The following AMBRA1 variants were observed in gnomAD, a reference collection of about 807,000 sequenced individuals.
AMBRA1 encodes the protein autophagy and beclin 1 regulator 1, also known as activating molecule in BECN1-regulated autophagy protein 1.
In AMBRA1, 47 loss-of-function variants were observed where a neutral mutation model predicts 125.4. That is an observed-to-expected ratio of 0.37 (90% confidence interval 0.30 to 0.48). AMBRA1 has a LOEUF of 0.48. Ranked by LOEUF, AMBRA1 falls within the 20% of genes least tolerant of loss-of-function variation. AMBRA1 has a pLI of 0.99. For synonymous variants in AMBRA1, 626 were observed against 655.5 expected (o/e 0.95, Z 0.69); for missense variants, 1,331 against 1,693.4 (o/e 0.79, Z 3.76).
Position 46,512,825 on chromosome 11 carries a change from TA to T in AMBRA1, c.2073-13del. ...ATTCCAGCAGCCTCCTAGCAGAGATTAAAAAAATGGCAATAATCCCTGTCAA... is the reference window on the plus strand; with the variant it reads ...ATTCCAGCAGCCTCCTAGCAGAGATTAAAAAATGGCAATAATCCCTGTCAA... On this transcript the variant is annotated splice_polypyrimidine_tract_variant and intron_variant, in intron 7 of 17. Transcript: ENST00000683756. 2.5e-6 allele frequency: 4 copies of T among 1,602,420 alleles called. No homozygotes were observed. The highest frequency in any genetic ancestry group is 2.2e-5 in the South Asian group (2 of 89,094).
rs992856576 is a variant in AMBRA1 at position 46,429,225 on chromosome 11, C to T, written c.2976+4249G>A. 312 of 1,247,228 alleles carry T rather than the reference C, an allele frequency of 2.5e-4. 1 individual carries two copies. The highest frequency in any genetic ancestry group is 3.2e-4 in the Non-Finnish European group (286 of 884,114). 77.3% of individuals were successfully genotyped at this position (1,247,228 alleles called of 1,614,324 possible). On this transcript the variant is annotated intron_variant, in intron 14 of 17. Coordinates refer to ENST00000683756, the MANE Select transcript of AMBRA1 (RefSeq NM_001387011.1). Reference sequence around the variant, plus strand: ...ACAATCTTCGCCTACCAGCGGCCCCCTACCCCATAAAATAAGCCTCCAGCC... The same window carrying T: ...ACAATCTTCGCCTACCAGCGGCCCCTTACCCCATAAAATAAGCCTCCAGCC...
At chr11:46,535,812 G>A (rs957659364) in intron 7 of AMBRA1, among the ~76,000 whole-genome samples, 22 of 152,294 alleles carry the variant, frequency 1.4e-4, no homozygotes, top group African/African-American at 5.3e-4. Flanking sequence ...GGCTGCATAT[G>A]ATGCCAGTGC....
At chr11:46,424,850 A>C (rs1947039422) in intron 14 of AMBRA1, among the ~76,000 whole-genome samples, 1 of 151,860 alleles carries the variant, frequency 6.6e-6, no homozygotes, top group South Asian at 2.1e-4. Context: ...AATTTTAAAC[A>C]AATAGGCCAG....
At chr11:46,519,809 G>T (rs1470606085) in intron 7 of AMBRA1, among the ~76,000 whole-genome samples, 1 of 152,096 alleles carries the variant, frequency 6.6e-6, no homozygotes, top group Non-Finnish European at 1.5e-5. Context: ...TAGTCCAGTG[G>T]TTTACAAACT....
intron 14 of AMBRA1, 92 bp downstream of exon 14, chr11:46,433,382 T>G: frequency 6.8e-7 from 1 of 1,468,654 alleles, no homozygotes; most frequent in Non-Finnish European, 9.2e-7. Context: ...ATAGCTCTGG[T>G]CCTGGCTGGG....
intron 1 of AMBRA1, among the ~76,000 whole-genome samples, chr11:46,590,616 A>T (rs1429282230): frequency 6.6e-6 from 1 of 152,194 alleles, no homozygotes; most frequent in Non-Finnish European, 1.5e-5. Context: ...ATCTCCAAGA[A>T]CTTTCTTACT....
intron 7 of AMBRA1, among the ~76,000 whole-genome samples, chr11:46,536,730 C>G (rs1289174376): frequency 6.6e-6 from 1 of 152,178 alleles, no homozygotes; most frequent in Non-Finnish European, 1.5e-5. Flanking sequence ...AGTGTGGTGG[C>G]CCACGAAGCC....
intron 17 of AMBRA1, among the ~76,000 whole-genome samples, chr11:46,400,991 CCTT>C (rs959179905): frequency 6.6e-6 from 1 of 152,162 alleles, no homozygotes; most frequent in Non-Finnish European, 1.5e-5. Flanking sequence ...GGTTTTAAAG[CCTT>C]CTAACAGTGG....
intron 12 of AMBRA1, among the ~76,000 whole-genome samples, chr11:46,442,247 AT>A (rs1434055152): frequency 6.6e-6 from 1 of 151,682 alleles, no homozygotes; most frequent in Non-Finnish European, 1.5e-5. Context: ...GGTTCGAGCA[AT>A]TCTTGTGCCT....
chr11:46,464,970 G>A (rs1266182984), intron 11 of AMBRA1, among the ~76,000 whole-genome samples: 1 of 152,124 alleles, frequency 6.6e-6, no homozygotes, highest in Non-Finnish European at 1.5e-5. Flanking sequence ...ACTTGAACCG[G>A]GAGGTGGAGG....
chr11:46,456,044 T>C (rs1161227232), intron 11 of AMBRA1, among the ~76,000 whole-genome samples: 1 of 152,160 alleles, frequency 6.6e-6, no homozygotes, highest in African/African-American at 2.4e-5. Flanking sequence ...AATGATGTAA[T>C]TGGGACAAGT....
intron 1 of AMBRA1, among the ~76,000 whole-genome samples, chr11:46,562,390 T>G (rs1053398081): frequency 1.4e-4 from 21 of 152,218 alleles, no homozygotes; most frequent in African/African-American, 4.8e-4. Context: ...TTGGATTTTA[T>G]TAAGTGTAAT....
rs1715613103 is a variant in AMBRA1, at chr11:46,493,711, A to G, written c.2421-3T>C. The G allele has an allele frequency of 1.3e-6, 2 of 1,585,906 alleles. No homozygotes were observed. Among genetic ancestry groups the G allele is most frequent in the African/African-American group, 2.7e-5 (2 of 72,858 alleles). ...AGTACTCAGGCAGCAAGAAACGCCT[A>G]CAAGAAGGAATCACATGTGAAAAGC... On this transcript the variant is annotated splice_polypyrimidine_tract_variant and splice_region_variant and intron_variant, in intron 10 of 17. Coordinates refer to ENST00000683756, the MANE Select transcript of AMBRA1 (RefSeq NM_001387011.1).
chr11:46,472,389 C>T (rs1419626735), intron 11 of AMBRA1, among the ~76,000 whole-genome samples: 4 of 152,186 alleles, frequency 2.6e-5, no homozygotes, highest in African/African-American at 9.7e-5. Flanking sequence ...AACCTGGGTG[C>T]TAGGACATAT....
chr11:46,435,019 A>G lies in AMBRA1; in HGVS notation c.2651T>C (p.Val884Ala), dbSNP rs1947652981. The G allele has an allele frequency of 6.2e-7, 1 of 1,610,030 alleles. No homozygotes were observed. Among genetic ancestry groups the G allele is most frequent in the South Asian group, 1.1e-5 (1 of 90,440 alleles). ...ATCATTGTAGATCTTGCAGTTCTGC[A>G]CCAGCACATTCACGGAAGCTGCATC... is the stretch of plus-strand genomic sequence containing the variant. ...EISNASVNVLVQNCKIYNDAS... is the reference protein window; with the variant it reads ...EISNASVNVLAQNCKIYNDAS... Residue 884 changes from valine to alanine, a missense_variant, in exon 13 of 18, where the codon GTG becomes GCG. This residue lies in a region of AMBRA1 where 354 missense variants were observed against 532.7 expected (regional missense o/e 0.66). Coordinates refer to ENST00000683756, the MANE Select transcript of AMBRA1 (RefSeq NM_001387011.1).
intron 11 of AMBRA1, among the ~76,000 whole-genome samples, chr11:46,463,583 G>GA (rs1048769195): frequency 1.3e-5 from 2 of 152,136 alleles, no homozygotes; most frequent in African/African-American, 4.8e-5. Context: ...CAAAAGCACA[G>GA]AATTACAACT....
intron 9 of AMBRA1, chr11:46,504,391 T>C (rs994350252): frequency 2.6e-5 from 4 of 152,184 alleles, no homozygotes; most frequent in Non-Finnish European, 4.4e-5. Context: ...AAAATGGAAG[T>C]CTGCCTTACG....
chr11:46,470,588 CAAAAAAAAAAAA>C (rs766521795), intron 11 of AMBRA1, among the ~76,000 whole-genome samples: 3 of 53,454 alleles, frequency 5.6e-5, no homozygotes, highest in Non-Finnish European at 7.4e-5. Flanking sequence ...GACTCCGTCT[CAAAAAAAAAAAA>C]AAAAAAAAAA....
chr11:46,424,010 G>A (rs1370135082), intron 14 of AMBRA1, among the ~76,000 whole-genome samples: 3 of 151,606 alleles, frequency 2.0e-5, no homozygotes, highest in South Asian at 2.1e-4. Context: ...TGATCCACCC[G>A]CCTCAGCCTC....
Sources: allele counts gnomAD v4.1 joint callset (sites outside exome capture counted in the v4.1 genomes callset), GRCh38; gene constraint gnomAD v4.1.1; regional missense constraint gnomAD v4.1.1; transcripts MANE v1.5; gene names NCBI Gene and HGNC (gene_info 2026-07-23, HGNC 2026-07-21).